The following NR2F6 variants were observed in gnomAD, a reference collection of about 807,000 sequenced individuals.
The protein encoded by NR2F6 is nuclear receptor subfamily 2 group F member 6.
A neutral mutation model predicts 26.5 loss-of-function variants in NR2F6; 16 were observed. The ratio of observed to expected loss-of-function variants is 0.60; its 90% confidence interval spans 0.41 to 0.92. NR2F6 has a LOEUF of 0.92. Ranked by LOEUF, NR2F6 falls within the 40% of genes least tolerant of loss-of-function variation. The pLI is 0.00. For missense variants in NR2F6, 536 were observed against 631.7 expected, an observed-to-expected ratio of 0.85 and a Z score of 1.62; for synonymous variants, 325 against 305.0, an observed-to-expected ratio of 1.07 and a Z score of -0.68.
intron 2 of NR2F6, among the ~76,000 whole-genome samples, chr19:17,237,890 A>G (rs1230442603): frequency 6.6e-6 from 1 of 152,160 alleles, no homozygotes. Context: ...TTGCAAGCCT[A>G]GCACTTTGGG....
intron 2 of NR2F6, 95 bp downstream of exon 2, chr19:17,240,574 GGT>G: frequency 8.8e-7 from 1 of 1,136,636 alleles, no homozygotes; most frequent in Admixed American, 2.0e-5. Context: ...GAAAGGGAGG[GGT>G]GAAAGGGAGG....
chr19:17,237,132 G>C (rs115564061), intron 2 of NR2F6, among the ~76,000 whole-genome samples: 2 of 152,166 alleles, frequency 1.3e-5, no homozygotes, highest in African/African-American at 4.8e-5. Flanking sequence ...AGCCAGGGGC[G>C]AACAGAGCTA....
At chr19:17,239,664 A>G (rs2073458741) in intron 2 of NR2F6, among the ~76,000 whole-genome samples, 2 of 148,786 alleles carry the variant, frequency 1.3e-5, no homozygotes, top group South Asian at 2.1e-4. Context: ...AGAAAAAAAA[A>G]AAAAATTAGC....
chr19:17,240,660 C>A lies in NR2F6; in HGVS notation c.373+11G>T, dbSNP rs1568317832. ...GTGATCGTCCCCAGTGTGTCCCCAG[C>A]ACGTACTCACCCTCCTTCCTCATGC... On this transcript the variant is annotated intron_variant, in intron 2 of 3. Coordinates refer to ENST00000291442, the MANE Select transcript of NR2F6 (RefSeq NM_005234.4). 6.2e-7 allele frequency: 1 copy of A among 1,613,588 alleles called. No homozygotes were observed. The highest frequency in any genetic ancestry group is 8.5e-7 in the Non-Finnish European group (1 of 1,179,462).
Position 17,245,744 on chromosome 19 carries a change from C to CA in NR2F6, c.-525_-524insT. ...TGATCGCCGCGCCCCCTGGGTCCCC[C>CA]GGCGCCCGCGGCTGCCGCTCCGGGC... is the stretch of plus-strand genomic sequence containing the variant. On this transcript the variant is annotated 5_prime_UTR_variant, in exon 1 of 4. Transcript: ENST00000291442. The surrounding 1 kb of genome is among the most constrained non-coding windows in gnomAD (Gnocchi z 5.0). 6.9e-6 allele frequency: 1 copy of CA among 145,594 alleles called. No homozygotes were observed. The highest frequency in any genetic ancestry group is 1.5e-5 in the Non-Finnish European group (1 of 65,512). The allele number at this position is 145,594 out of a possible 1,614,324, so 9.0% of individuals were successfully genotyped here.
At position 17,245,291 on chromosome 19, in the gene NR2F6, G is replaced by A. The variant is rs2073492386; in HGVS notation, c.-71C>T. On this transcript the variant is annotated 5_prime_UTR_variant, in exon 1 of 4. Coordinates refer to ENST00000291442, the MANE Select transcript of NR2F6 (RefSeq NM_005234.4). This position sits in a 1 kb window ranked among gnomAD's most constrained non-coding sequence, Gnocchi z 5.0. ...TCCGGGCACCCCTCTCGGCCCGGGGGACCCTACGCGGCGCGCATTCGGCCC... is the reference window on the plus strand; with the variant it reads ...TCCGGGCACCCCTCTCGGCCCGGGGAACCCTACGCGGCGCGCATTCGGCCC... The A allele has an allele frequency of 3.4e-6, 4 of 1,171,890 alleles. No individual in the cohort carries two copies. Among genetic ancestry groups the A allele is most frequent in the Non-Finnish European group, 4.2e-6 (4 of 946,568 alleles). The allele number at this position is 1,171,890 out of a possible 1,614,324, so 72.6% of individuals were successfully genotyped here. A position where few individuals can be genotyped will look rare whatever the true frequency, so the allele number is the denominator to read the frequency against.
intron 2 of NR2F6, among the ~76,000 whole-genome samples, chr19:17,238,231 A>G (rs2073450133): frequency 6.6e-6 from 1 of 152,192 alleles, no homozygotes; most frequent in African/African-American, 2.4e-5. Flanking sequence ...CAAGCCAAGG[A>G]CCATTTATTG....
chr19:17,242,376 G>A (rs2073474234), intron 1 of NR2F6, among the ~76,000 whole-genome samples: 1 of 152,132 alleles, frequency 6.6e-6, no homozygotes, highest in African/African-American at 2.4e-5. Flanking sequence ...ACCCAGCCCT[G>A]CCCCTCAGGT....
rs1490977564 is a variant in NR2F6 at position 17,235,264 on chromosome 19, G to A, written c.940+235C>T. Reference sequence around the variant, plus strand: ...TGGCCCAGCCTTGGGTCTGGGGTCCGGGGTTCAGAGTTCTCCGAGAGTCCT... The same window carrying A: ...TGGCCCAGCCTTGGGTCTGGGGTCCAGGGTTCAGAGTTCTCCGAGAGTCCT... On this transcript the variant is annotated intron_variant, in intron 3 of 3. Coordinates refer to ENST00000291442, the MANE Select transcript of NR2F6 (RefSeq NM_005234.4). The surrounding 1 kb of genome is among the most constrained non-coding windows in gnomAD (Gnocchi z 5.0). 4.6e-5 allele frequency among the ~76,000 whole-genome samples: 7 copies of A among 152,344 alleles called. No individual in the cohort carries two copies. Among genetic ancestry groups the A allele is most frequent in the African/African-American group, 1.7e-4 (7 of 41,598 alleles).
intron 1 of NR2F6, 127 bp from the exon 2 acceptor site, chr19:17,240,892 G>A (rs2145567781): frequency 1.2e-6 from 1 of 843,610 alleles, no homozygotes; most frequent in South Asian, 1.7e-5. Context: ...TGGAGAGGTA[G>A]CCCCAAAGGG....
chr19:17,239,252 G>A (rs769253130), intron 2 of NR2F6, among the ~76,000 whole-genome samples: 40 of 151,902 alleles, frequency 2.6e-4, no homozygotes, highest in Non-Finnish European at 4.7e-4. Context: ...CAGGAGAATC[G>A]CTTGAACCAG....
intron 1 of NR2F6, among the ~76,000 whole-genome samples, chr19:17,241,603 T>C (rs193012504): frequency 6.6e-6 from 1 of 152,366 alleles, no homozygotes; most frequent in African/African-American, 2.4e-5. Flanking sequence ...TCCCCTGGTC[T>C]CTTGCCACCA....
chr19:17,234,814 G>A (rs1158793559), intron 3 of NR2F6, among the ~76,000 whole-genome samples: 4 of 152,060 alleles, frequency 2.6e-5, no homozygotes, highest in East Asian at 1.9e-4. Context: ...AACCGTGTTC[G>A]GACAACTGCA....
chr19:17,232,081 C>A lies in NR2F6; in HGVS notation c.*271G>T. 2.1e-6 allele frequency: 1 copy of A among 465,812 alleles called. No individual in the cohort carries two copies. Among genetic ancestry groups the A allele is most frequent in the Non-Finnish European group, 3.8e-6 (1 of 263,512 alleles). The allele number at this position is 465,812 out of a possible 1,614,324, so 28.9% of individuals were successfully genotyped here. ...ATCCCACAAGTTCATGCTAGGGGTG[C>A]TGAGGAACAAGGCTGTCCTAGGATT... On this transcript the variant is annotated 3_prime_UTR_variant, in exon 4 of 4. Transcript: ENST00000291442.
rs2073463835 is a variant in NR2F6 at position 17,240,599 on chromosome 19, G to A, written c.373+72C>T. 46 of 1,500,602 alleles carry A rather than the reference G, an allele frequency of 3.1e-5. 1 individual carries two copies. In the South Asian group the frequency reaches 5.1e-4, roughly 17 times the overall value. 93.0% of individuals were successfully genotyped at this position (1,500,602 alleles called of 1,614,324 possible). ...GGTGAAAGGGAGGGGAAAAAGGGGA[G>A]GAAGAAGCTGTTTGTTCACCCCGGC... On this transcript the variant is annotated intron_variant, in intron 2 of 3. Coordinates refer to ENST00000291442, the MANE Select transcript of NR2F6 (RefSeq NM_005234.4).
intron 1 of NR2F6, among the ~76,000 whole-genome samples, chr19:17,242,013 C>T (rs1212474226): frequency 2.3e-5 from 3 of 130,194 alleles, no homozygotes; most frequent in Non-Finnish European, 3.2e-5. Flanking sequence ...GAGACTCTGT[C>T]TCAAAAAAAA....
chr19:17,242,885 C>T (rs1055271591), intron 1 of NR2F6, among the ~76,000 whole-genome samples: 4 of 152,162 alleles, frequency 2.6e-5, no homozygotes, highest in Non-Finnish European at 4.4e-5. Context: ...AGAGTGCAAG[C>T]TTTTTTGCCC....
chr19:17,235,629 C>G lies in NR2F6; in HGVS notation c.810G>C (p.Met270Ile). 1 of 1,545,088 alleles carries G rather than the reference C, an allele frequency of 6.5e-7. No individual in the cohort carries two copies. Among genetic ancestry groups the G allele is most frequent in the Non-Finnish European group, 8.7e-7 (1 of 1,154,168 alleles). ...LAAAGLHAAP[M>I]AAERAVAFMD... ...TGAAAGCCACGGCGCGCTCGGCGGC[C>G]ATAGGCGCGGCGTGGAGGCCGGCGG... The change falls in exon 3 of 4, where the codon ATG (methionine) becomes ATC (isoleucine). Residue 270 changes from methionine to isoleucine, a missense_variant. By Grantham distance (10) the Met-to-Ile change is conservative (BLOSUM62 1). Transcript: ENST00000291442. The surrounding 1 kb of genome is among the most constrained non-coding windows in gnomAD (Gnocchi z 5.0).
chr19:17,234,825 C>G, intron 3 of NR2F6, among the ~76,000 whole-genome samples: 1 of 152,104 alleles, frequency 6.6e-6, no homozygotes, highest in East Asian at 1.9e-4. Flanking sequence ...GACAACTGCA[C>G]TCCAGCCTGG....
Sources: allele counts gnomAD v4.1 joint callset (sites outside exome capture counted in the v4.1 genomes callset), GRCh38; gene constraint gnomAD v4.1.1; non-coding constraint Gnocchi (gnomAD v3.1); transcripts MANE v1.5; gene names NCBI Gene and HGNC (gene_info 2026-07-23, HGNC 2026-07-21).